WAPL: variants seen among roughly 807,000 people sequenced by gnomAD.
WAPL encodes WAPL cohesin release factor.
Under a neutral mutation model 121.0 loss-of-function variants are expected in WAPL, and 5 were observed. The ratio of observed to expected loss-of-function variants is 0.04; its 90% confidence interval spans 0.02 to 0.09. The LOEUF is 0.09. Among genes scored for constraint, WAPL ranks in the 10% least tolerant of loss-of-function variants. WAPL has a pLI of 1.00. For missense variants in WAPL, 999 were observed against 1,410.8 expected (o/e 0.71, Z 4.68); for synonymous variants, 480 against 481.5 (o/e 1.00, Z 0.04).
chr10:86,497,939 G>A (rs1462648548), intron 3 of WAPL, among the ~76,000 whole-genome samples: 1 of 152,134 alleles, frequency 6.6e-6, no homozygotes, highest in African/African-American at 2.4e-5. Flanking sequence ...CTTTTTCTAA[G>A]CGAAACAAAA....
At chr10:86,481,665 G>A (rs1257861161) in intron 4 of WAPL, among the ~76,000 whole-genome samples, 10 of 151,900 alleles carry the variant, frequency 6.6e-5, no homozygotes, top group African/African-American at 2.2e-4. Flanking sequence ...GAACCACCGC[G>A]CCGGGCTGAA....
rs764044325 is a variant in WAPL, at chr10:86,472,234, A to G, written c.2004T>C (p.Thr668=). 1.9e-6 allele frequency: 3 copies of G among 1,583,688 alleles called. No homozygotes were observed. In the Admixed American group the frequency reaches 6.1e-5, roughly 32 times the overall value. Reference sequence around the variant, plus strand: ...TAAGGCAACGTGTGTTTAGAGGCTGAGTGCTCTTTAAGCCACTTAACAAGT... The same window carrying G: ...TAAGGCAACGTGTGTTTAGAGGCTGGGTGCTCTTTAAGCCACTTAACAAGT... ...IEYLLSGLKS[T]QPLNTRCLSV... The change falls in exon 7 of 19, where the codon ACT becomes ACC. Residue 668 remains threonine, a synonymous_variant. Coordinates refer to ENST00000298767, the MANE Select transcript of WAPL (RefSeq NM_015045.5). The surrounding 1 kb of genome is among the most constrained non-coding windows in gnomAD (Gnocchi z 4.2).
intron 15 of WAPL, 130 bp from the exon 16 acceptor site, chr10:86,446,579 GAGT>G: frequency 9.5e-7 from 1 of 1,055,354 alleles, no homozygotes; most frequent in Non-Finnish European, 1.3e-6. Flanking sequence ...AAAAAGAGGT[GAGT>G]ATAAGTAAAA....
At chr10:86,468,554 A>G (rs1379677061) in intron 8 of WAPL, among the ~76,000 whole-genome samples, 1 of 152,230 alleles carries the variant, frequency 6.6e-6, no homozygotes. Flanking sequence ...TAATTTAAAT[A>G]ATAATTTTAA....
chr10:86,453,507 T>A, intron 13 of WAPL, 149 bp downstream of exon 13: 1 of 1,203,560 alleles, frequency 8.3e-7, no homozygotes, highest in South Asian at 1.6e-5. Flanking sequence ...TATCAACTCT[T>A]AAAAGCAATT....
At chr10:86,501,655 T>G (rs1425415759) in intron 2 of WAPL, among the ~76,000 whole-genome samples, 1 of 152,196 alleles carries the variant, frequency 6.6e-6, no homozygotes, top group Non-Finnish European at 1.5e-5. Flanking sequence ...ACAGATTCAC[T>G]GCATAATTTT....
At chr10:86,479,889 C>A (rs1841742246) in intron 4 of WAPL, among the ~76,000 whole-genome samples, 1 of 152,042 alleles carries the variant, frequency 6.6e-6, no homozygotes, top group Admixed American at 6.6e-5. Context: ...TTAAAAAAGA[C>A]AATTGGAATC....
At chr10:86,515,086 G>A (rs545762565) in intron 2 of WAPL, among the ~76,000 whole-genome samples, 12 of 151,760 alleles carry the variant, frequency 7.9e-5, no homozygotes, top group Non-Finnish European at 1.3e-4. Flanking sequence ...ATGGTGAAAC[G>A]CCGTCTCTAC....
intron 2 of WAPL, among the ~76,000 whole-genome samples, chr10:86,506,122 C>T (rs758656499): frequency 9.8e-5 from 15 of 152,292 alleles, no homozygotes; most frequent in Non-Finnish European, 1.8e-4. Flanking sequence ...GTGGTCCCAA[C>T]TTCTCAGGAG....
intron 2 of WAPL, among the ~76,000 whole-genome samples, chr10:86,510,440 T>C (rs1287833467): frequency 6.6e-6 from 1 of 152,186 alleles, no homozygotes; most frequent in Non-Finnish European, 1.5e-5. Context: ...ATGTATTATA[T>C]AAAAGTGTTG....
intron 2 of WAPL, among the ~76,000 whole-genome samples, chr10:86,503,895 C>G (rs1564586470): frequency 6.6e-6 from 1 of 152,290 alleles, no homozygotes; most frequent in East Asian, 1.9e-4. Flanking sequence ...AGGGGCCAGG[C>G]ACAATGGCTC....
chr10:86,504,870 T>A (rs1001480431), intron 2 of WAPL, among the ~76,000 whole-genome samples: 4 of 152,068 alleles, frequency 2.6e-5, no homozygotes, highest in African/African-American at 7.2e-5. Flanking sequence ...GCCAAAGAAC[T>A]TTTTTGTCCA....
chr10:86,501,218 C>G (rs553650694), intron 2 of WAPL, among the ~76,000 whole-genome samples: 1 of 152,152 alleles, frequency 6.6e-6, no homozygotes, highest in Non-Finnish European at 1.5e-5. Context: ...GAAACCTGTC[C>G]ATAGGATCAG....
intron 15 of WAPL, among the ~76,000 whole-genome samples, chr10:86,447,164 C>T (rs1295786799): frequency 6.6e-6 from 1 of 152,186 alleles, no homozygotes; most frequent in Non-Finnish European, 1.5e-5. Flanking sequence ...TTGGAATCTA[C>T]ATGCCATGTG....
At chr10:86,481,154 T>C (rs1841774386) in intron 4 of WAPL, among the ~76,000 whole-genome samples, 1 of 151,910 alleles carries the variant, frequency 6.6e-6, no homozygotes, top group Non-Finnish European at 1.5e-5. Flanking sequence ...CATACAACGT[T>C]AAAAAGAAAC....
intron 4 of WAPL, among the ~76,000 whole-genome samples, chr10:86,493,291 G>A (rs1263982679): frequency 6.6e-6 from 1 of 151,876 alleles, no homozygotes; most frequent in East Asian, 1.9e-4. Context: ...CTTAAGAAAT[G>A]CAGGCAACTT....
chr10:86,476,422 C>T (rs1841656250), intron 4 of WAPL, among the ~76,000 whole-genome samples: 1 of 151,502 alleles, frequency 6.6e-6, no homozygotes, highest in Non-Finnish European at 1.5e-5. Context: ...GGTGTGGTGG[C>T]TCACGCCTGT....
chr10:86,455,568 G>A lies in WAPL; in HGVS notation c.2658-1737C>T, dbSNP rs183185329. ...GGAAGGCCGCAGGGTCCTCTGCCTA[G>A]GAAAACCAGAGACCCTTGTTCACAT... On this transcript the variant is annotated intron_variant, in intron 12 of 18. Coordinates refer to ENST00000298767, the MANE Select transcript of WAPL (RefSeq NM_015045.5). Among the ~76,000 whole-genome samples, 549 of 151,534 alleles carry A rather than the reference G, an allele frequency of 3.6e-3. 2 individuals are homozygous for A. The highest frequency in any genetic ancestry group is 5.9e-3 in the South Asian group (28 of 4,772).
chr10:86,474,624 G>C (rs985601478), intron 4 of WAPL, among the ~76,000 whole-genome samples: 1 of 152,186 alleles, frequency 6.6e-6, no homozygotes, highest in Non-Finnish European at 1.5e-5. Context: ...AGCACTTTGG[G>C]AGAGTGAGGA....
Sources: gnomAD v4.1 joint callset for allele counts (sites outside exome capture counted in the v4.1 genomes callset) on GRCh38, gnomAD v4.1.1 for gene constraint, Gnocchi (gnomAD v3.1) non-coding constraint, MANE v1.5 for transcripts, NCBI Gene and HGNC (gene_info 2026-07-23, HGNC 2026-07-21) for gene names.